KIF2C: variants seen among roughly 807,000 people sequenced by gnomAD.
KIF2C encodes kinesin-like protein KIF2C.
Under a neutral mutation model 97.4 loss-of-function variants are expected in KIF2C, and 34 were observed. The ratio of observed to expected loss-of-function variants is 0.35; its 90% CI spans 0.27 to 0.46. The LOEUF is 0.46. KIF2C is among the 20% of genes least tolerant of loss of function. The pLI, the probability that KIF2C is intolerant of heterozygous loss-of-function variation, is 1.00. For synonymous variants in KIF2C, 313 were observed against 318.2 expected, an observed-to-expected ratio of 0.98 and a Z score of 0.17; for missense variants, 750 against 907.6, an observed-to-expected ratio of 0.83 and a Z score of 2.23.
chr1:44,764,272 T>G (rs1432656855), intron 19 of KIF2C, among the ~76,000 whole-genome samples: 7 of 151,902 alleles, frequency 4.6e-5, no homozygotes, highest in African/African-American at 1.7e-4. Context: ...GCCTCCTGGG[T>G]TCAAGCGATT....
Position 44,739,906 on chromosome 1 carries a change from C to T in KIF2C, c.-27C>T, listed in dbSNP as rs1451694430. On this transcript the variant is annotated 5_prime_UTR_variant, in exon 1 of 21. Coordinates refer to ENST00000372224, the MANE Select transcript of KIF2C (RefSeq NM_006845.4). ...GAAATTGAGGTTTCTTGGTATTGCG[C>T]GTTTCTCTTCCTTGCTGACTCTCCG... 2 of 1,602,040 alleles carry T rather than the reference C, an allele frequency of 1.2e-6. No individual in the cohort carries two copies. The highest frequency in any genetic ancestry group is 1.7e-6 in the Non-Finnish European group (2 of 1,168,902).
At chr1:44,757,024 TCTC>T (rs1234226635) in intron 10 of KIF2C, among the ~76,000 whole-genome samples, 1 of 151,962 alleles carries the variant, frequency 6.6e-6, no homozygotes, top group Non-Finnish European at 1.5e-5. Flanking sequence ...TTCAAGCAAT[TCTC>T]CTGCCCCAGC....
intron 2 of KIF2C, chr1:44,746,673 C>T: frequency 6.3e-7 from 1 of 1,580,902 alleles, no homozygotes; most frequent in African/African-American, 1.3e-5. Flanking sequence ...GACTGTTTGC[C>T]TGCCTGTCTG....
intron 1 of KIF2C, 151 bp from the exon 2 acceptor site, chr1:44,740,762 T>G: frequency 8.6e-5 from 46 of 536,398 alleles, no homozygotes; most frequent in East Asian, 1.2e-4. Context: ...GCCCAGGAGA[T>G]TTATTTGTTT....
chr1:44,756,489 C>T (rs1007284321), intron 10 of KIF2C, among the ~76,000 whole-genome samples: 4 of 150,568 alleles, frequency 2.7e-5, no homozygotes, highest in African/African-American at 9.7e-5. Flanking sequence ...TATGCAGCCA[C>T]ACCATTGCCC....
intron 4 of KIF2C, among the ~76,000 whole-genome samples, chr1:44,748,889 A>G (rs1029425954): frequency 1.3e-5 from 2 of 151,718 alleles, no homozygotes; most frequent in African/African-American, 4.8e-5. Context: ...TTTGTTGCCT[A>G]AGCTGGTCTT....
At chr1:44,751,709 T>C (rs1397528441) in intron 5 of KIF2C, among the ~76,000 whole-genome samples, 1 of 151,696 alleles carries the variant, frequency 6.6e-6, no homozygotes, top group South Asian at 2.1e-4. Context: ...GGTTTCTCCA[T>C]GTTGGTCAGG....
chr1:44,750,350 C>T (rs1195998772), intron 4 of KIF2C, 92 bp from the exon 5 acceptor site: 17 of 1,268,022 alleles, frequency 1.3e-5, no homozygotes, highest in African/African-American at 1.5e-5. Flanking sequence ...GTAGCTGGGA[C>T]CTATTTCACC....
intron 4 of KIF2C, among the ~76,000 whole-genome samples, chr1:44,748,712 T>C (rs1177756855): frequency 6.8e-6 from 1 of 148,070 alleles, no homozygotes; most frequent in African/African-American, 2.5e-5. Flanking sequence ...GGCTAATTTT[T>C]TTTTTTTTTT....
At position 44,761,829 on chromosome 1, in the gene KIF2C, C is replaced by T. The variant is rs1650160520; in HGVS notation, c.1684-87C>T. 1.0e-5 allele frequency: 13 copies of T among 1,258,492 alleles called. No homozygotes were observed. In the South Asian group the frequency reaches 1.6e-4, roughly 15 times the overall value. 78.0% of individuals were successfully genotyped at this position (1,258,492 alleles called of 1,614,324 possible). ...TGTGGGTCTCCAAAGCTTGAAGAAA[C>T]ACCCTGACTGGAGGCCCCTCAGGGA... On this transcript the variant is annotated intron_variant, in intron 16 of 20. Coordinates refer to ENST00000372224, the MANE Select transcript of KIF2C (RefSeq NM_006845.4).
At chr1:44,756,709 C>T (rs1050357361) in intron 10 of KIF2C, among the ~76,000 whole-genome samples, 3 of 151,458 alleles carry the variant, frequency 2.0e-5, no homozygotes, top group African/African-American at 4.9e-5. Flanking sequence ...CCTGCCATCA[C>T]ACCTGGCTAA....
In KIF2C at chr1:44,747,010, G is replaced by A. The variant is rs558505962; in HGVS notation, c.166-374G>A. On this transcript the variant is annotated intron_variant, in intron 2 of 20. Transcript: ENST00000372224. ...CCTCCTGGATTCCAGCAATTCTCCC[G>A]CCTCAGCCTCGGGGGGGCCAGGCAC... is the stretch of plus-strand genomic sequence containing the variant. 5.3e-5 allele frequency among the ~76,000 whole-genome samples: 8 copies of A among 150,968 alleles called. No homozygotes were observed. In the East Asian group the frequency reaches 1.2e-3, roughly 23 times the overall value.
chr1:44,753,889 ACT>A, intron 7 of KIF2C, 56 bp downstream of exon 7: 6 of 992,880 alleles, frequency 6.0e-6, no homozygotes, highest in Non-Finnish European at 9.0e-6. Context: ...CTTAACCGAA[ACT>A]CTACGGGCAA....
At chr1:44,765,594 G>A (rs1650415835) in intron 19 of KIF2C, among the ~76,000 whole-genome samples, 2 of 152,154 alleles carry the variant, frequency 1.3e-5, no homozygotes, top group African/African-American at 4.8e-5. Context: ...CAGCACTTTG[G>A]GAGGCCAAGG....
chr1:44,753,041 G>A (rs562983411), intron 5 of KIF2C, 91 bp from the exon 6 acceptor site: 57 of 1,480,686 alleles, frequency 3.8e-5, no homozygotes, highest in African/African-American at 2.9e-4. Flanking sequence ...CAGGCAGGTC[G>A]CTCTCCCGGC....
chr1:44,755,098 A>G (rs1649747394), intron 8 of KIF2C, among the ~76,000 whole-genome samples: 1 of 151,608 alleles, frequency 6.6e-6, no homozygotes, highest in Admixed American at 6.6e-5. Flanking sequence ...CTGGGACCAT[A>G]GATGCATTCC....
Position 44,756,116 on chromosome 1 carries a change from A to G in KIF2C, c.856A>G (p.Lys286Glu). The G allele has an allele frequency of 6.2e-7, 1 of 1,614,218 alleles. No individual in the cohort carries two copies. The highest frequency in any genetic ancestry group is 8.5e-7 in the Non-Finnish European group (1 of 1,180,040). ...AATTGATGTGATTTCCATTCCTAGC[A>G]AGTGTCTCCTCTTGGTACATGAACC... The part of the protein sequence containing the change: ...KEIDVISIPS[K>E]CLLLVHEPKL... Residue 286 changes from lysine (K) to glutamate (E), a missense_variant, in exon 10 of 21, where the codon AAG becomes GAG. Transcript: ENST00000372224.
intron 5 of KIF2C, among the ~76,000 whole-genome samples, 169 bp from the exon 6 acceptor site, chr1:44,752,963 A>G (rs948313891): frequency 8.5e-5 from 13 of 152,214 alleles, no homozygotes; most frequent in Admixed American, 7.9e-4. Context: ...CCTTGCAGAA[A>G]GGGTGAGAGT....
chr1:44,755,534 G>T (rs927793211), intron 8 of KIF2C, among the ~76,000 whole-genome samples: 5 of 152,250 alleles, frequency 3.3e-5, no homozygotes, highest in African/African-American at 1.2e-4. Flanking sequence ...AAAGTGCTGG[G>T]ATTACAGGCG....
Sources: gnomAD v4.1 joint callset for allele counts (sites outside exome capture counted in the v4.1 genomes callset) on GRCh38, gnomAD v4.1.1 for gene constraint, MANE v1.5 for transcripts, NCBI Gene and HGNC (gene_info 2026-07-23, HGNC 2026-07-21) for gene names.